Variants in YTHDF3 observed in about 807,000 individuals in gnomAD.
The protein encoded by YTHDF3 is YTH domain-containing family protein 3.
A neutral mutation model predicts 52.5 loss-of-function variants in YTHDF3; 9 were observed. The ratio of observed to expected loss-of-function variants is 0.17; its 90% CI spans 0.10 to 0.30. The LOEUF (loss-of-function observed/expected upper bound fraction) is 0.30. Among genes scored for constraint, YTHDF3 ranks in the 10% least tolerant of loss-of-function variants. The probability of loss-of-function intolerance (pLI) is 1.00; values close to 1 mark genes in which losing one functional copy is unlikely to be tolerated. For missense variants in YTHDF3, 534 were observed against 715.0 expected (o/e 0.75, Z 2.89); for synonymous variants, 274 against 243.3 (o/e 1.13, Z -1.18).
chr8:63,206,973 G>T (rs1418337859), intron 4 of YTHDF3, among the ~76,000 whole-genome samples: 2 of 151,914 alleles, frequency 1.3e-5, no homozygotes, highest in African/African-American at 4.8e-5. Flanking sequence ...TGTATACCTT[G>T]GTAAAATATG....
intron 2 of YTHDF3, among the ~76,000 whole-genome samples, chr8:63,174,546 A>G (rs1419245662): frequency 6.6e-6 from 1 of 152,216 alleles, no homozygotes; most frequent in Non-Finnish European, 1.5e-5. Flanking sequence ...CAAATTCGGG[A>G]CCTTACTTCT....
intron 2 of YTHDF3, among the ~76,000 whole-genome samples, chr8:63,174,871 C>T (rs1000905932): frequency 6.6e-6 from 1 of 152,008 alleles, no homozygotes; most frequent in Non-Finnish European, 1.5e-5. Flanking sequence ...CAAATTAGAT[C>T]GAAAATAGTT....
Position 63,168,637 on chromosome 8 carries a change from T to C in YTHDF3, c.-241T>C, listed in dbSNP as rs1361414231. ...AGCGGAAGTGAGACTAGGGAGTCTGTCCGCCATTGTGGACCCGAGAAGCAG... is the reference window on the plus strand; with the variant it reads ...AGCGGAAGTGAGACTAGGGAGTCTGCCCGCCATTGTGGACCCGAGAAGCAG... On this transcript the variant is annotated 5_prime_UTR_variant, in exon 1 of 5. Transcript: ENST00000539294. The C allele has an allele frequency of 4.4e-6, 3 of 687,940 alleles. No homozygotes were observed. The highest frequency in any genetic ancestry group is 7.3e-6 in the Non-Finnish European group (3 of 413,582). The allele number at this position is 687,940 out of a possible 1,614,324, so 42.6% of individuals were successfully genotyped here. A position where few individuals can be genotyped will look rare whatever the true frequency, so the allele number is the denominator to read the frequency against.
chr8:63,180,289 C>G (rs1317270780), intron 3 of YTHDF3, among the ~76,000 whole-genome samples: 1 of 148,956 alleles, frequency 6.7e-6, no homozygotes, highest in Non-Finnish European at 1.5e-5. Context: ...CTCCTCACAT[C>G]CCGGACGGGG....
chr8:63,175,057 A>G (rs1363195662), intron 2 of YTHDF3, among the ~76,000 whole-genome samples: 1 of 152,114 alleles, frequency 6.6e-6, no homozygotes, highest in African/African-American at 2.4e-5. Flanking sequence ...CAGTGTTGAG[A>G]TTGGGATATT....
At chr8:63,177,737 A>C (rs1469335772) in intron 3 of YTHDF3, among the ~76,000 whole-genome samples, 1 of 151,362 alleles carries the variant, frequency 6.6e-6, no homozygotes, top group Non-Finnish European at 1.5e-5. Context: ...AGTATAAAAA[A>C]TCCTGACTTG....
chr8:63,192,272 A>G (rs1421833856), intron 4 of YTHDF3, among the ~76,000 whole-genome samples: 1 of 152,180 alleles, frequency 6.6e-6, no homozygotes, highest in Non-Finnish European at 1.5e-5. Context: ...TGAACCAGTA[A>G]GAGAATCATT....
chr8:63,209,667 GTTTTT>G lies in YTHDF3; in HGVS notation c.1735-8_1735-4del. The G allele has an allele frequency of 5.6e-6, 7 of 1,249,846 alleles. No homozygotes were observed. Among genetic ancestry groups the G allele is most frequent in the Non-Finnish European group, 7.6e-6 (7 of 922,306 alleles). 77.4% of individuals were successfully genotyped at this position (1,249,846 alleles called of 1,614,324 possible). ...ATTGTAATTCTTTTTGTGTGTGTGT[GTTTTT>G]TTTTTTTCAGGAGAGAAATAGAAAC... On this transcript the variant is annotated splice_polypyrimidine_tract_variant and intron_variant, in intron 4 of 4. Coordinates refer to ENST00000539294, the MANE Select transcript of YTHDF3 (RefSeq NM_152758.6).
intron 3 of YTHDF3, among the ~76,000 whole-genome samples, chr8:63,181,358 A>G (rs1808124557): frequency 1.3e-5 from 2 of 152,212 alleles, no homozygotes; most frequent in Admixed American, 1.3e-4. Context: ...AATGTTAAGT[A>G]ATTACTATAG....
At chr8:63,190,298 G>A (rs972557588) in intron 4 of YTHDF3, among the ~76,000 whole-genome samples, 1 of 150,622 alleles carries the variant, frequency 6.6e-6, no homozygotes, top group Non-Finnish European at 1.5e-5. Flanking sequence ...TCACCCTTCT[G>A]TGTCTTTTTT....
At chr8:63,170,137 CATTT>C (rs1301025017) in intron 2 of YTHDF3, among the ~76,000 whole-genome samples, 4 of 152,228 alleles carry the variant, frequency 2.6e-5, no homozygotes, top group South Asian at 4.1e-4. Context: ...AGTCATGTGA[CATTT>C]AGTTAAGTAT....
rs115507559 is a variant in YTHDF3, at chr8:63,198,035, A to G, written c.1734+10290A>G. Among the ~76,000 whole-genome samples, 821 of 152,288 alleles carry G rather than the reference A, an allele frequency of 5.4e-3. 11 individuals carry two copies. The highest frequency in any genetic ancestry group is 0.019 in the African/African-American group (796 of 41,556). On this transcript the variant is annotated intron_variant, in intron 4 of 4. Transcript: ENST00000539294. ...ACATAGGAATAATTAAGAGTTTTCA[A>G]TTGCCTATAACATTGAGATAAACTT...
chr8:63,185,583 C>G (rs1404880424), intron 3 of YTHDF3, among the ~76,000 whole-genome samples: 1 of 152,176 alleles, frequency 6.6e-6, no homozygotes, highest in African/African-American at 2.4e-5. Flanking sequence ...TTGCATCATG[C>G]TATAAACGTA....
intron 4 of YTHDF3, chr8:63,188,701 A>ATATATATATATATATATT (rs1355614739): frequency 1.6e-5 from 1 of 61,442 alleles, no homozygotes; most frequent in African/African-American, 8.6e-5. Context: ...ATATATATAT[A>ATATATATATATATATATT]TTTTTTTTTT....
Position 63,187,210 on chromosome 8 carries a change from C to T in YTHDF3, c.1199C>T (p.Ala400Val). 1.2e-6 allele frequency: 2 copies of T among 1,613,984 alleles called. No individual in the cohort carries two copies. Among genetic ancestry groups the T allele is most frequent in the Non-Finnish European group, 1.7e-6 (2 of 1,179,892 alleles). ...CATCCCGTGCTGGAAAAGCTAAAGG[C>T]CATAAACAACTATAATCCCAAAGAC... ...EVHPVLEKLK[A>V]INNYNPKDFD... The change falls in exon 4 of 5, where the codon GCC becomes GTC. Residue 400 changes from alanine (A) to valine (V), a missense_variant. Coordinates refer to ENST00000539294, the MANE Select transcript of YTHDF3 (RefSeq NM_152758.6).
At position 63,187,307 on chromosome 8, in the gene YTHDF3, C is replaced by T. The variant is rs753360832; in HGVS notation, c.1296C>T (p.Ser432=). 5 of 1,613,978 alleles carry T rather than the reference C, an allele frequency of 3.1e-6. No homozygotes were observed. The highest frequency in any genetic ancestry group is 4.2e-6 in the Non-Finnish European group (5 of 1,179,872). ...ACTCTGAGGATGACATACATCGTTC[C>T]ATTAAATACTCTATCTGGTGTAGTA... ...KSYSEDDIHR[S]IKYSIWCSTE... Residue 432 remains serine, a synonymous_variant, in exon 4 of 5, where the codon TCC becomes TCT. Transcript: ENST00000539294.
At chr8:63,190,097 G>A (rs1040046906) in intron 4 of YTHDF3, among the ~76,000 whole-genome samples, 2 of 152,172 alleles carry the variant, frequency 1.3e-5, no homozygotes, top group Non-Finnish European at 1.5e-5. Context: ...AGATTGTGCT[G>A]ATTTTAAGAT....
intron 4 of YTHDF3, among the ~76,000 whole-genome samples, chr8:63,195,793 C>T (rs189251549): frequency 1.1e-4 from 16 of 146,252 alleles, no homozygotes; most frequent in South Asian, 6.6e-4. Flanking sequence ...CCTGTATTTA[C>T]GTGTGTGTGT....
chr8:63,189,031 A>G (rs1808741439), intron 4 of YTHDF3: 1 of 152,092 alleles, frequency 6.6e-6, no homozygotes, highest in Non-Finnish European at 1.5e-5. Context: ...TTAAAACATA[A>G]AACTCTTGAA....
Sources: gnomAD v4.1 joint callset for allele counts (sites outside exome capture counted in the v4.1 genomes callset) on GRCh38, gnomAD v4.1.1 for gene constraint, MANE v1.5 for transcripts, NCBI Gene and HGNC (gene_info 2026-07-23, HGNC 2026-07-21) for gene names.